NT5DC3: variants seen among roughly 807,000 people sequenced by gnomAD.
NT5DC3 encodes 5'-nucleotidase domain-containing protein 3.
In NT5DC3, 42 loss-of-function variants were observed where a neutral mutation model predicts 67.8. That is an observed-to-expected ratio of 0.62 (90% CI 0.48 to 0.80). The LOEUF is 0.80. Ranked by LOEUF, NT5DC3 falls within the 30% of genes least tolerant of loss-of-function variation. NT5DC3 has a pLI of 0.00. For missense variants in NT5DC3, 570 were observed against 696.4 expected (o/e 0.82, Z 2.04); for synonymous variants, 237 against 255.6 (o/e 0.93, Z 0.69).
rs149057863 is a variant in NT5DC3 at position 103,779,494 on chromosome 12, A to C, written c.1394+806T>G. On this transcript the variant is annotated intron_variant, in intron 13 of 13. Transcript: ENST00000392876. ...GACAGCCAACACTCTGAGAGGGAGG[A>C]GGACAAACTAAATGCAATACAGCTT... Among the ~76,000 whole-genome samples, 174 of 152,264 alleles carry C rather than the reference A, an allele frequency of 1.1e-3. No individual in the cohort carries two copies. The Middle Eastern group carries it at 0.02, about 18-fold the overall frequency.
the NT5DC3 span, among the ~76,000 whole-genome samples, chr12:103,757,743 T>C: frequency 1.3e-5 from 2 of 152,182 alleles, no homozygotes; most frequent in South Asian, 2.1e-4. Flanking sequence ...AGGCCCCATA[T>C]GGCTGGAACA....
At chr12:103,821,677 A>G (rs1478064788) in intron 1 of NT5DC3, among the ~76,000 whole-genome samples, 1 of 152,244 alleles carries the variant, frequency 6.6e-6, no homozygotes, top group Non-Finnish European at 1.5e-5. Flanking sequence ...AACGGGAAAG[A>G]GTTAAGTTTT....
the NT5DC3 span, among the ~76,000 whole-genome samples, chr12:103,746,954 T>C: frequency 6.3e-5 from 8 of 126,310 alleles, no homozygotes; most frequent in Non-Finnish European, 1.2e-4. Context: ...TCTTTCTTTT[T>C]TTTTTTTTTT....
At position 103,774,053 on chromosome 12, in the gene NT5DC3, A is replaced by G. The variant is rs902253076; in HGVS notation, c.*3776T>C. On this transcript the variant is annotated 3_prime_UTR_variant, in exon 14 of 14. Coordinates refer to ENST00000392876, the MANE Select transcript of NT5DC3 (RefSeq NM_001031701.3). The stretch of plus-strand genomic sequence containing the variant: ...AGTGGGAGCTCTAAGCCAAACAACT[A>G]AAGTATTTCAAAAGCCACGTTTCAC... 12 of 152,220 alleles carry G rather than the reference A, an allele frequency of 7.9e-5. No homozygotes were observed. Among genetic ancestry groups the G allele is most frequent in the African/African-American group, 2.7e-4 (11 of 41,446 alleles). 9.4% of individuals were successfully genotyped at this position (152,220 alleles called of 1,614,324 possible).
chr12:103,788,777 A>G (rs1486657103), intron 10 of NT5DC3, 61 bp downstream of exon 10: 5 of 1,036,994 alleles, frequency 4.8e-6, no homozygotes, highest in African/African-American at 1.6e-5. Context: ...AACATCAGCT[A>G]TTAGCATTAT....
chr12:103,750,129 T>C, the NT5DC3 span, among the ~76,000 whole-genome samples: 3 of 152,208 alleles, frequency 2.0e-5, no homozygotes, highest in Non-Finnish European at 1.5e-5. Context: ...CCAGTGGTCA[T>C]TGTGCACCTA....
intron 12 of NT5DC3, among the ~76,000 whole-genome samples, chr12:103,782,965 G>A (rs570188893): frequency 1.3e-5 from 2 of 152,166 alleles, no homozygotes; most frequent in Admixed American, 6.5e-5. Flanking sequence ...CAGCCTGGGC[G>A]ACAGAGCAAG....
At chr12:103,794,347 A>T (rs539276878) in intron 6 of NT5DC3, among the ~76,000 whole-genome samples, 63 of 136,850 alleles carry the variant, frequency 4.6e-4, no homozygotes, top group African/African-American at 1.6e-3. Flanking sequence ...ACAGGGTTTC[A>T]CCATGTTGGC....
Position 103,798,687 on chromosome 12 carries a change from C to G in NT5DC3, c.525-10G>C. 1 of 1,592,024 alleles carries G rather than the reference C, an allele frequency of 6.3e-7. No individual in the cohort carries two copies. The highest frequency in any genetic ancestry group is 8.6e-7 in the Non-Finnish European group (1 of 1,159,836). On this transcript the variant is annotated splice_polypyrimidine_tract_variant and intron_variant, in intron 4 of 13. Transcript: ENST00000392876. ...GACAACACTGAGGCCTCTGGAAAAACCAGATGGTGCAGTTAAAGAGCTCAA... is the reference window on the plus strand; with the variant it reads ...GACAACACTGAGGCCTCTGGAAAAAGCAGATGGTGCAGTTAAAGAGCTCAA...
intron 1 of NT5DC3, among the ~76,000 whole-genome samples, chr12:103,838,708 A>G (rs1235254765): frequency 6.6e-6 from 1 of 152,214 alleles, no homozygotes; most frequent in South Asian, 2.1e-4. Context: ...AAATGGTTCA[A>G]TAGAGTTAAT....
chr12:103,806,780 TA>T (rs1195512397), intron 3 of NT5DC3, 74 bp downstream of exon 3: 3 of 955,944 alleles, frequency 3.1e-6, no homozygotes, highest in African/African-American at 3.3e-5. Context: ...GCCCGTTCAG[TA>T]AAGAAAAGTA....
At chr12:103,752,397 T>TA in the NT5DC3 span, among the ~76,000 whole-genome samples, 2 of 152,320 alleles carry the variant, frequency 1.3e-5, no homozygotes, top group Non-Finnish European at 2.9e-5. Flanking sequence ...GAGAAAAACT[T>TA]AGTCTTCTTT....
At chr12:103,758,253 C>A in the NT5DC3 span, 2 of 1,614,114 alleles carry the variant, frequency 1.2e-6, no homozygotes, top group Non-Finnish European at 1.7e-6. Flanking sequence ...GCGGCACCCT[C>A]TTTGTGCCAC....
At chr12:103,782,526 A>G (rs1885598554) in intron 12 of NT5DC3, among the ~76,000 whole-genome samples, 1 of 152,176 alleles carries the variant, frequency 6.6e-6, no homozygotes, top group Non-Finnish European at 1.5e-5. Flanking sequence ...GGTAGCTGCA[A>G]CAGAGCCTAC....
At chr12:103,789,080 C>A in intron 9 of NT5DC3, 161 bp from the exon 10 acceptor site, 1 of 601,326 alleles carries the variant, frequency 1.7e-6, no homozygotes, top group Non-Finnish European at 3.0e-6. Flanking sequence ...TAATTCAATG[C>A]GTCCCAAATT....
At chr12:103,835,787 C>T (rs960147933) in intron 1 of NT5DC3, among the ~76,000 whole-genome samples, 1 of 152,198 alleles carries the variant, frequency 6.6e-6, no homozygotes, top group Non-Finnish European at 1.5e-5. Flanking sequence ...GACTGTCACA[C>T]ATCAAAGCCC....
chr12:103,787,480 T>G lies in NT5DC3; in HGVS notation c.1149A>C (p.Arg383Ser), dbSNP rs145377193. ...FLKLTGWRGS[R>S]VLYFGDHIYS... ...ATATATGGTCACCAAAATACAACACTCTGGATCCTCTCCATCCAGTAAGCT... is the reference window on the plus strand; with the variant it reads ...ATATATGGTCACCAAAATACAACACGCTGGATCCTCTCCATCCAGTAAGCT... The change falls in exon 11 of 14, where the codon AGA (arginine) becomes AGC (serine). Residue 383 changes from arginine to serine, a missense_variant. This residue lies in a region of NT5DC3 where 466 missense variants were observed against 608.0 expected (regional missense o/e 0.77). Coordinates refer to ENST00000392876, the MANE Select transcript of NT5DC3 (RefSeq NM_001031701.3). 9.6e-5 allele frequency: 154 copies of G among 1,604,318 alleles called. 1 individual carries two copies. In the African/African-American group the frequency reaches 1.5e-3, roughly 16 times the overall value.
chr12:103,838,824 G>A (rs1888258276), intron 1 of NT5DC3, among the ~76,000 whole-genome samples: 1 of 152,002 alleles, frequency 6.6e-6, no homozygotes, highest in Non-Finnish European at 1.5e-5. Context: ...TAAAACTCCA[G>A]GAAATTATAC....
chr12:103,755,292 A>G, the NT5DC3 span: 2 of 1,613,372 alleles, frequency 1.2e-6, no homozygotes, highest in Non-Finnish European at 1.7e-6. Flanking sequence ...CCCTGTCTGT[A>G]TCCCTGCAGG....
Sources: gnomAD v4.1 joint callset for allele counts (sites outside exome capture counted in the v4.1 genomes callset) on GRCh38, gnomAD v4.1.1 for gene constraint, gnomAD v4.1.1 regional missense constraint, MANE v1.5 for transcripts, NCBI Gene and HGNC (gene_info 2026-07-23, HGNC 2026-07-21) for gene names.